RNF180: variants seen among roughly 807,000 people sequenced by gnomAD.
RNF180 encodes E3 ubiquitin-protein ligase RNF180.
A neutral mutation model predicts 59.2 loss-of-function variants in RNF180; 38 were observed. The ratio of observed to expected loss-of-function variants is 0.64; its 90% CI spans 0.50 to 0.84. RNF180 has a LOEUF of 0.84. RNF180 is among the 40% of genes least tolerant of loss of function. The pLI, the probability that RNF180 is intolerant of heterozygous loss-of-function variation, is 0.00. For missense variants in RNF180, 705 were observed against 700.9 expected, an observed-to-expected ratio of 1.01 and a Z score of -0.07; for synonymous variants, 262 against 240.3, an observed-to-expected ratio of 1.09 and a Z score of -0.84.
At chr5:64,344,625 CTG>C (rs1471606343) in intron 7 of RNF180, among the ~76,000 whole-genome samples, 2 of 152,078 alleles carry the variant, frequency 1.3e-5, no homozygotes, top group Non-Finnish European at 2.9e-5. Flanking sequence ...GCAGCGGTCT[CTG>C]TGTTCAAAGT....
At chr5:64,308,639 G>T (rs1284790426) in intron 5 of RNF180, among the ~76,000 whole-genome samples, 3 of 151,698 alleles carry the variant, frequency 2.0e-5, no homozygotes, top group African/African-American at 4.8e-5. Context: ...CCAGAATATG[G>T]CACTTTGCCA....
chr5:64,304,112 C>A (rs1181324448), intron 5 of RNF180, among the ~76,000 whole-genome samples: 4 of 151,358 alleles, frequency 2.6e-5, no homozygotes, highest in Non-Finnish European at 5.9e-5. Context: ...TATTTTAAGC[C>A]CACTATTGAG....
At chr5:64,317,650 A>G (rs1744126008) in intron 5 of RNF180, among the ~76,000 whole-genome samples, 1 of 145,832 alleles carries the variant, frequency 6.9e-6, no homozygotes, top group South Asian at 2.2e-4. Context: ...ACACACACAC[A>G]GTAGTCCTGC....
Position 64,369,896 on chromosome 5 carries a change from G to T in RNF180, c.*82G>T. 1.3e-6 allele frequency: 1 copy of T among 778,776 alleles called. No homozygotes were observed. The highest frequency in any genetic ancestry group is 2.6e-5 in the South Asian group (1 of 37,758). 48.2% of individuals were successfully genotyped at this position (778,776 alleles called of 1,614,324 possible). ...TAAACATTTTTAAATGTGCTTTGAA[G>T]TTTTTTTAATGTTGCATTATACAAA... On this transcript the variant is annotated 3_prime_UTR_variant, in exon 8 of 8. Transcript: ENST00000389100.
chr5:64,241,238 C>T (rs932052234), intron 5 of RNF180, among the ~76,000 whole-genome samples: 1 of 152,198 alleles, frequency 6.6e-6, no homozygotes. Context: ...TCCCAAAAAA[C>T]AAAGACACAA....
At chr5:64,236,649 T>C (rs1410824396) in intron 5 of RNF180, among the ~76,000 whole-genome samples, 4 of 152,118 alleles carry the variant, frequency 2.6e-5, no homozygotes, top group African/African-American at 9.7e-5. Context: ...GTCAGAGATC[T>C]TTGTGGCAGC....
intron 7 of RNF180, among the ~76,000 whole-genome samples, chr5:64,353,155 A>G (rs758129629): frequency 2.6e-5 from 4 of 151,870 alleles, no homozygotes; most frequent in Non-Finnish European, 4.4e-5. Flanking sequence ...ACATAGATAC[A>G]TAATTATAAA....
chr5:64,185,907 A>T (rs1028459733), intron 1 of RNF180, among the ~76,000 whole-genome samples: 7 of 152,226 alleles, frequency 4.6e-5, no homozygotes, highest in Non-Finnish European at 1.0e-4. Flanking sequence ...AAAGCTGTTT[A>T]GGAACAGAGC....
At chr5:64,320,473 C>A (rs778488769) in intron 5 of RNF180, among the ~76,000 whole-genome samples, 1 of 152,118 alleles carries the variant, frequency 6.6e-6, no homozygotes, top group Non-Finnish European at 1.5e-5. Flanking sequence ...GCTTGCTTCC[C>A]ACTATATACA....
intron 6 of RNF180, 145 bp from the exon 7 acceptor site, chr5:64,330,136 T>G (rs562332819): frequency 7.8e-6 from 5 of 638,172 alleles, no homozygotes; most frequent in Non-Finnish European, 1.3e-5. Flanking sequence ...AAGAAAAAAA[T>G]GTTGAATCTA....
chr5:64,294,423 T>TG (rs890520053), intron 5 of RNF180, among the ~76,000 whole-genome samples: 13 of 152,152 alleles, frequency 8.5e-5, no homozygotes, highest in Non-Finnish European at 1.5e-4. Context: ...GAAAAATATC[T>TG]GGGGGGTGGC....
At chr5:64,256,488 G>T (rs1038786198) in intron 5 of RNF180, among the ~76,000 whole-genome samples, 1 of 152,132 alleles carries the variant, frequency 6.6e-6, no homozygotes, top group Non-Finnish European at 1.5e-5. Context: ...TTTCTGTCAG[G>T]TTTGTCAAAG....
At chr5:64,166,003 C>A in intron 1 of RNF180, 50 bp downstream of exon 1, 1 of 153,036 alleles carries the variant, frequency 6.5e-6, no homozygotes, top group South Asian at 2.0e-4. Context: ...CGGCGCCTCT[C>A]GGAGGGACCT....
intron 1 of RNF180, among the ~76,000 whole-genome samples, chr5:64,199,410 T>G (rs1751618176): frequency 6.6e-6 from 1 of 152,082 alleles, no homozygotes; most frequent in Admixed American, 6.6e-5. Context: ...CCTCGGGTAA[T>G]TTTTTTTAAA....
chr5:64,230,598 A>T (rs1394785684), intron 5 of RNF180, among the ~76,000 whole-genome samples: 1 of 152,206 alleles, frequency 6.6e-6, no homozygotes, highest in Admixed American at 6.5e-5. Context: ...CCTTATTTTA[A>T]TGTCAACTAG....
At chr5:64,366,733 G>A (rs1746463571) in intron 7 of RNF180, among the ~76,000 whole-genome samples, 2 of 151,548 alleles carry the variant, frequency 1.3e-5, no homozygotes, top group South Asian at 2.1e-4. Flanking sequence ...TGTGACATAT[G>A]GGACACCATA....
chr5:64,232,251 A>G lies in RNF180; in HGVS notation c.1227+14855A>G, dbSNP rs371646548. 1.3e-4 allele frequency among the ~76,000 whole-genome samples: 20 copies of G among 152,350 alleles called. No individual in the cohort carries two copies. The South Asian group carries it at 1.7e-3, about 13-fold the overall frequency. Reference sequence around the variant, plus strand: ...TTAATCTCTTTGGATTGGTTTCTTTATGCCTTAAAGGAATGTGTAGTGCAG... The same window carrying G: ...TTAATCTCTTTGGATTGGTTTCTTTGTGCCTTAAAGGAATGTGTAGTGCAG... On this transcript the variant is annotated intron_variant, in intron 5 of 7. Coordinates refer to ENST00000389100, the MANE Select transcript of RNF180 (RefSeq NM_001113561.2).
At chr5:64,298,717 G>C (rs1743018582) in intron 5 of RNF180, among the ~76,000 whole-genome samples, 1 of 151,946 alleles carries the variant, frequency 6.6e-6, no homozygotes, top group African/African-American at 2.4e-5. Context: ...AACAAAAATG[G>C]TTCAAGAATT....
At chr5:64,246,930 C>T (rs986137626) in intron 5 of RNF180, among the ~76,000 whole-genome samples, 2 of 152,154 alleles carry the variant, frequency 1.3e-5, no homozygotes, top group Admixed American at 1.3e-4. Context: ...TCAGCTTCAT[C>T]CCTGGGATGC....
Sources: allele counts gnomAD v4.1 joint callset (sites outside exome capture counted in the v4.1 genomes callset), GRCh38; gene constraint gnomAD v4.1.1; transcripts MANE v1.5; gene names NCBI Gene and HGNC (gene_info 2026-07-23, HGNC 2026-07-21).